The following SLC30A1 variants were observed in gnomAD, a reference collection of about 807,000 sequenced individuals.
SLC30A1 encodes the protein proton-coupled zinc antiporter SLC30A1.
SLC30A1 carries 7 observed loss-of-function variants against 29.8 expected under a neutral mutation model. The ratio of observed to expected loss-of-function variants is 0.23; its 90% CI spans 0.13 to 0.44. SLC30A1 has a LOEUF of 0.44. Among genes scored for constraint, SLC30A1 ranks in the 20% least tolerant of loss-of-function variants. SLC30A1 has a pLI of 1.00. For missense variants in SLC30A1, 446 were observed against 647.9 expected (o/e 0.69, Z 3.38); for synonymous variants, 254 against 253.5 (o/e 1.00, Z -0.02).
rs897390996 is a variant in SLC30A1, at chr1:211,574,557, T to C, written c.*831A>G. On this transcript the variant is annotated 3_prime_UTR_variant, in exon 2 of 2. Coordinates refer to ENST00000367001, the MANE Select transcript of SLC30A1 (RefSeq NM_021194.3). Reference sequence around the variant, plus strand: ...AGGTGTCAACATCCTTAAAAATACTTATATATTTTGTAAATAAACTTGCAG... The same window carrying C: ...AGGTGTCAACATCCTTAAAAATACTCATATATTTTGTAAATAAACTTGCAG... 3.9e-5 allele frequency: 6 copies of C among 152,200 alleles called. No homozygotes were observed. Among genetic ancestry groups the C allele is most frequent in the African/African-American group, 1.4e-4 (6 of 41,466 alleles). 9.4% of individuals were successfully genotyped at this position (152,200 alleles called of 1,614,324 possible).
At position 211,578,535 on chromosome 1, in the gene SLC30A1, C is replaced by CACCT; in HGVS notation, c.74_77dup (p.Val27GlyfsTer141). ...GCGACGAGGTCACCCGGCTCACCAC[C>CACCT]ACCTCCAGCACCATGAACATGAAGG... On this transcript the variant is annotated frameshift_variant, in exon 1 of 2. Coordinates refer to ENST00000367001, the MANE Select transcript of SLC30A1 (RefSeq NM_021194.3). LOFTEE classifies it high-confidence loss of function. The CACCT allele has an allele frequency of 6.2e-7, 1 of 1,610,910 alleles. No homozygotes were observed. The highest frequency in any genetic ancestry group is 8.5e-7 in the Non-Finnish European group (1 of 1,179,140).
chr1:211,576,576 C>T (rs1039410737), intron 1 of SLC30A1, among the ~76,000 whole-genome samples: 13 of 152,252 alleles, frequency 8.5e-5, no homozygotes, highest in Non-Finnish European at 1.8e-4. Flanking sequence ...TGGAGTCCTG[C>T]AACCATTCTG....
rs993474994 is a variant in SLC30A1 at position 211,574,847 on chromosome 1, A to G, written c.*541T>C. The G allele has an allele frequency of 6.5e-6, 1 of 153,274 alleles. No homozygotes were observed. The highest frequency in any genetic ancestry group is 6.5e-5 in the Admixed American group (1 of 15,458). The allele number at this position is 153,274 out of a possible 1,614,324, so 9.5% of individuals were successfully genotyped here. ...AATAGCCAGCAATACAGAATACAGG[A>G]TAGTAACTGATCTTATTTCCTACTA... On this transcript the variant is annotated 3_prime_UTR_variant, in exon 2 of 2. Coordinates refer to ENST00000367001, the MANE Select transcript of SLC30A1 (RefSeq NM_021194.3).
rs1355838591 is a variant in SLC30A1 at position 211,573,509 on chromosome 1, T to C, written c.*1879A>G. On this transcript the variant is annotated 3_prime_UTR_variant, in exon 2 of 2. Transcript: ENST00000367001. ...TTATCTTTGTATCATTGCTGAAATG[T>C]TTATGTAACAAATTGATATCTGAAT... is the stretch of plus-strand genomic sequence containing the variant. 1 of 152,058 alleles carries C rather than the reference T, an allele frequency of 6.6e-6. No homozygotes were observed. The highest frequency in any genetic ancestry group is 1.5e-5 in the Non-Finnish European group (1 of 67,908). The allele number at this position is 152,058 out of a possible 1,614,324, so 9.4% of individuals were successfully genotyped here.
Position 211,573,847 on chromosome 1 carries a change from AG to A in SLC30A1, c.*1540del, listed in dbSNP as rs1391815004. On this transcript the variant is annotated 3_prime_UTR_variant, in exon 2 of 2. Coordinates refer to ENST00000367001, the MANE Select transcript of SLC30A1 (RefSeq NM_021194.3). ...TGGAAAAAATCAGCTGTTCTTAAAT[AG>A]GCCCATCGCCAGCAATAGGCTTATA... The A allele has an allele frequency of 6.6e-6, 1 of 152,540 alleles. No individual in the cohort carries two copies. The highest frequency in any genetic ancestry group is 1.9e-4 in the East Asian group (1 of 5,200). The allele number at this position is 152,540 out of a possible 1,614,324, so 9.4% of individuals were successfully genotyped here.
chr1:211,578,532 C>A lies in SLC30A1; in HGVS notation c.81G>T (p.Val27=), dbSNP rs760049143. ...LTFMFMVLEV[V]VSRVTSSLAM... ...CCAGCGACGAGGTCACCCGGCTCACCACCACCTCCAGCACCATGAACATGA... is the reference window on the plus strand; with the variant it reads ...CCAGCGACGAGGTCACCCGGCTCACAACCACCTCCAGCACCATGAACATGA... Residue 27 remains valine (V), a synonymous_variant, in exon 1 of 2, where the codon GTG becomes GTT. Transcript: ENST00000367001. 6.2e-7 allele frequency: 1 copy of A among 1,611,070 alleles called. No individual in the cohort carries two copies. Among genetic ancestry groups the A allele is most frequent in the Non-Finnish European group, 8.5e-7 (1 of 1,179,142 alleles).
chr1:211,575,494 C>T lies in SLC30A1; in HGVS notation c.1418G>A (p.Ser473Asn). The T allele has an allele frequency of 6.2e-7, 1 of 1,614,130 alleles. No homozygotes were observed. Among genetic ancestry groups the T allele is most frequent in the Middle Eastern group, 1.6e-4 (1 of 6,062 alleles). The change falls in exon 2 of 2, where the codon AGT becomes AAT. Residue 473 changes from serine to asparagine, a missense_variant. Ser to Asn is a conservative substitution (Grantham distance 46). Transcript: ENST00000367001. This position sits in a 1 kb window ranked among gnomAD's most constrained non-coding sequence, Gnocchi z 6.0. ...CCTGGGCTTCTTCTCTAGATTGTTA[C>T]TAAGTTCTAAACAAGAAATGCTAAC... ...PAVSISCLEL[S>N]NNLEKKPRRT...
rs748887014 is a variant in SLC30A1 at position 211,578,065 on chromosome 1, C to G, written c.548G>C (p.Gly183Ala). 2 of 1,612,818 alleles carry G rather than the reference C, an allele frequency of 1.2e-6. No individual in the cohort carries two copies. Among genetic ancestry groups the G allele is most frequent in the Admixed American group, 3.3e-5 (2 of 59,964 alleles). ...SDINVAPGEQ[G>A]PDQEETNTLV... ...GGTGTTGGTCTCCTCCTGGTCGGGA[C>G]CCTGCTCGCCCGGGGCCACGTTGAT... The change falls in exon 1 of 2, where the codon GGT becomes GCT. Residue 183 changes from glycine to alanine, a missense_variant. Transcript: ENST00000367001.
In SLC30A1 at chr1:211,572,706, T is replaced by A. The variant is rs189044796; in HGVS notation, c.*2682A>T. The A allele has an allele frequency of 4.6e-5, 7 of 152,238 alleles. No homozygotes were observed. The highest frequency in any genetic ancestry group is 3.9e-4 in the East Asian group (2 of 5,192). 9.4% of individuals were successfully genotyped at this position (152,238 alleles called of 1,614,324 possible). On this transcript the variant is annotated 3_prime_UTR_variant, in exon 2 of 2. Transcript: ENST00000367001. Reference sequence around the variant, plus strand: ...TAGGTTTTAGTCCATAGTTTTACAATGCAGACATCCTTCAGAAAAAACTAA... The same window carrying A: ...TAGGTTTTAGTCCATAGTTTTACAAAGCAGACATCCTTCAGAAAAAACTAA...
Position 211,577,985 on chromosome 1 carries a change from G to A in SLC30A1, c.622+6C>T, listed in dbSNP as rs774372610. On this transcript the variant is annotated splice_donor_region_variant and intron_variant, in intron 1 of 1. Coordinates refer to ENST00000367001, the MANE Select transcript of SLC30A1 (RefSeq NM_021194.3). The surrounding 1 kb of genome is among the most constrained non-coding windows in gnomAD (Gnocchi z 4.5). The stretch of plus-strand genomic sequence containing the variant: ...ACCACCTGCGGCAGCGACTTTCCCG[G>A]CTCACCTGCGGGGTCCAATTTCAGC... The A allele has an allele frequency of 8.7e-6, 14 of 1,612,484 alleles. No individual in the cohort carries two copies. The Admixed American group carries it at 2.2e-4, about 25-fold the overall frequency.
Position 211,577,868 on chromosome 1 carries a change from A to G in SLC30A1, c.622+123T>C. The G allele has an allele frequency of 1.5e-6, 2 of 1,297,918 alleles. No individual in the cohort carries two copies. Among genetic ancestry groups the G allele is most frequent in the Non-Finnish European group, 2.1e-6 (2 of 961,144 alleles). 80.4% of individuals were successfully genotyped at this position (1,297,918 alleles called of 1,614,324 possible). A position where few individuals can be genotyped will look rare whatever the true frequency, so the allele number is the denominator to read the frequency against. On this transcript the variant is annotated intron_variant, in intron 1 of 1. Transcript: ENST00000367001. This position sits in a 1 kb window ranked among gnomAD's most constrained non-coding sequence, Gnocchi z 4.5. ...TGTGCAGGACGGGGAGGGAGCAGGCAGGGGCGGCGCGGCGCAGGCCCGCTC... is the reference window on the plus strand; with the variant it reads ...TGTGCAGGACGGGGAGGGAGCAGGCGGGGGCGGCGCGGCGCAGGCCCGCTC...
rs946311713 is a variant in SLC30A1 at position 211,578,971 on chromosome 1, A to C, written c.-359T>G. Among the ~76,000 whole-genome samples, 6 of 152,090 alleles carry C rather than the reference A, an allele frequency of 3.9e-5. No homozygotes were observed. The highest frequency in any genetic ancestry group is 8.8e-5 in the Non-Finnish European group (6 of 67,988). On this transcript the variant is annotated 5_prime_UTR_variant, in exon 1 of 2. Transcript: ENST00000367001. ...TACCAAGAGCCGCAGCCGGAGCAGG[A>C]GCAGGAGGGCGGCGGGCGAGGGCGG... is the stretch of plus-strand genomic sequence containing the variant.
chr1:211,576,280 T>C lies in SLC30A1; in HGVS notation c.632A>G (p.Asn211Ser). The C allele has an allele frequency of 1.3e-6, 2 of 1,566,602 alleles. No individual in the cohort carries two copies. The highest frequency in any genetic ancestry group is 1.4e-5 in the African/African-American group (1 of 72,734). The change falls in exon 2 of 2, where the codon AAC (asparagine) becomes AGC (serine). Residue 211 changes from asparagine to serine, a missense_variant. Physicochemically the swap from Asn to Ser is conservative, Grantham distance 46 (BLOSUM62 1). Transcript: ENST00000367001. ...TTCCACTGTATCACCACTTCTGGGG[T>C]TTTCTGGGTCTACAAAGAAATAAAA... The part of the protein sequence containing the change: ...GLKLDPADPE[N>S]PRSGDTVEVQ...
chr1:211,575,519 C>T lies in SLC30A1; in HGVS notation c.1393G>A (p.Val465Ile). 6.2e-7 allele frequency: 1 copy of T among 1,614,154 alleles called. No individual in the cohort carries two copies. The highest frequency in any genetic ancestry group is 1.1e-5 in the South Asian group (1 of 91,086). ...SGKDAEKTPA[V>I]SISCLELSNN... ...CTAAGTTCTAAACAAGAAATGCTAACTGCTGGGGTCTTTTCTGCATCCTTT... is the reference window on the plus strand; with the variant it reads ...CTAAGTTCTAAACAAGAAATGCTAATTGCTGGGGTCTTTTCTGCATCCTTT... The change falls in exon 2 of 2, where the codon GTT (valine) becomes ATT (isoleucine). Residue 465 changes from valine to isoleucine, a missense_variant. Val to Ile is a conservative substitution (Grantham distance 29). This residue lies in a region of SLC30A1 where 187 missense variants were observed against 312.7 expected (regional missense o/e 0.60). Transcript: ENST00000367001. The surrounding 1 kb of genome is among the most constrained non-coding windows in gnomAD (Gnocchi z 6.0).
chr1:211,575,239 A>C lies in SLC30A1; in HGVS notation c.*149T>G, dbSNP rs1056653294. 7 of 674,862 alleles carry C rather than the reference A, an allele frequency of 1.0e-5. No individual in the cohort carries two copies. In the Admixed American group the frequency reaches 1.3e-4, roughly 13 times the overall value. The allele number at this position is 674,862 out of a possible 1,614,324, so 41.8% of individuals were successfully genotyped here. ...ATTGTAATATAGAACTCTGTTATGC[A>C]GTCCCATTATGTTCTTACAAAAATA... On this transcript the variant is annotated 3_prime_UTR_variant, in exon 2 of 2. Transcript: ENST00000367001. This position sits in a 1 kb window ranked among gnomAD's most constrained non-coding sequence, Gnocchi z 6.0.
chr1:211,577,868 A>C lies in SLC30A1; in HGVS notation c.622+123T>G. ...TGTGCAGGACGGGGAGGGAGCAGGC[A>C]GGGGCGGCGCGGCGCAGGCCCGCTC... On this transcript the variant is annotated intron_variant, in intron 1 of 1. Transcript: ENST00000367001. This position sits in a 1 kb window ranked among gnomAD's most constrained non-coding sequence, Gnocchi z 4.5. The C allele has an allele frequency of 1.5e-6, 2 of 1,297,918 alleles. No homozygotes were observed. The highest frequency in any genetic ancestry group is 2.1e-6 in the Non-Finnish European group (2 of 961,144). 80.4% of individuals were successfully genotyped at this position (1,297,918 alleles called of 1,614,324 possible).
rs767172942 is a variant in SLC30A1 at position 211,576,306 on chromosome 1, A to C, written c.623-17T>G. ...TTTCTGGGTCTACAAAGAAATAAAA[A>C]TTTTATATCAAATACATTTAAAGTG... is the stretch of plus-strand genomic sequence containing the variant. On this transcript the variant is annotated splice_polypyrimidine_tract_variant and intron_variant, in intron 1 of 1. Coordinates refer to ENST00000367001, the MANE Select transcript of SLC30A1 (RefSeq NM_021194.3). 6.9e-7 allele frequency: 1 copy of C among 1,456,764 alleles called. No individual in the cohort carries two copies. Among genetic ancestry groups the C allele is most frequent in the South Asian group, 1.3e-5 (1 of 76,172 alleles). 90.2% of individuals were successfully genotyped at this position (1,456,764 alleles called of 1,614,324 possible).
At position 211,575,285 on chromosome 1, in the gene SLC30A1, A is replaced by G; in HGVS notation, c.*103T>C. 2 of 909,496 alleles carry G rather than the reference A, an allele frequency of 2.2e-6. No homozygotes were observed. Among genetic ancestry groups the G allele is most frequent in the East Asian group, 4.8e-5 (2 of 41,580 alleles). The allele number at this position is 909,496 out of a possible 1,614,324, so 56.3% of individuals were successfully genotyped here. On this transcript the variant is annotated 3_prime_UTR_variant, in exon 2 of 2. Transcript: ENST00000367001. This position sits in a 1 kb window ranked among gnomAD's most constrained non-coding sequence, Gnocchi z 6.0. ...AAATAGAATTAAACTGTGTGACCAG[A>G]CAAGGACTTCAATTACACTACTTGG...
Position 211,578,647 on chromosome 1 carries a change from G to A in SLC30A1, c.-35C>T, listed in dbSNP as rs1478155301. On this transcript the variant is annotated 5_prime_UTR_variant, in exon 1 of 2. Coordinates refer to ENST00000367001, the MANE Select transcript of SLC30A1 (RefSeq NM_021194.3). ...TGCGGGGCCCGCCGAGCCCGGCCCGGAGACTGGTGCAGCGGCGGCGTTGGC... is the reference window on the plus strand; with the variant it reads ...TGCGGGGCCCGCCGAGCCCGGCCCGAAGACTGGTGCAGCGGCGGCGTTGGC... 6.7e-7 allele frequency: 1 copy of A among 1,494,098 alleles called. No homozygotes were observed. The highest frequency in any genetic ancestry group is 8.9e-7 in the Non-Finnish European group (1 of 1,129,458). The allele number at this position is 1,494,098 out of a possible 1,614,324, so 92.6% of individuals were successfully genotyped here. A position where few individuals can be genotyped will look rare whatever the true frequency, so the allele number is the denominator to read the frequency against.
Sources: allele counts gnomAD v4.1 joint callset (sites outside exome capture counted in the v4.1 genomes callset), GRCh38; gene constraint gnomAD v4.1.1; regional missense constraint gnomAD v4.1.1; non-coding constraint Gnocchi (gnomAD v3.1); transcripts MANE v1.5; gene names NCBI Gene and HGNC (gene_info 2026-07-23, HGNC 2026-07-21).